The following UBAP2 variants were observed in gnomAD, a reference collection of about 807,000 sequenced individuals.
UBAP2 encodes the protein ubiquitin-associated protein 2.
A neutral mutation model predicts 139.6 loss-of-function variants in UBAP2; 75 were observed. The observed-to-expected ratio is 0.54, with a 90% CI of 0.45 to 0.65. UBAP2 has a LOEUF of 0.65. UBAP2 is among the 30% of genes least tolerant of loss of function. The probability of loss-of-function intolerance (pLI) is 0.00; values close to 1 mark genes in which losing one functional copy is unlikely to be tolerated. For missense variants in UBAP2, 1,368 were observed against 1,369.6 expected (o/e 1.00, Z 0.02); for synonymous variants, 526 against 526.2 (o/e 1.00, Z 0.01).
rs540878937 is a variant in UBAP2 at position 33,941,396 on chromosome 9, G to A, written c.1929+253C>T. On this transcript the variant is annotated intron_variant, in intron 16 of 28. Coordinates refer to ENST00000379238, the MANE Select transcript of UBAP2 (RefSeq NM_001370062.2). ...CAATGTAGAAGTACCCAGTACTACA[G>A]CCAAAGTGCTCATACTACACGCATG... 9.2e-5 allele frequency among the ~76,000 whole-genome samples: 14 copies of A among 152,270 alleles called. 1 individual carries two copies. In the South Asian group the frequency reaches 1.0e-3, roughly 11 times the overall value.
chr9:33,998,743 A>G (rs1475667277), intron 3 of UBAP2, 44 bp downstream of exon 3: 2 of 1,545,174 alleles, frequency 1.3e-6, no homozygotes, highest in African/African-American at 2.7e-5. Flanking sequence ...AAGCACAATC[A>G]AAATAGATTA....
intron 1 of UBAP2, among the ~76,000 whole-genome samples, chr9:34,048,454 A>T (rs891682041): frequency 3.9e-5 from 6 of 152,202 alleles, no homozygotes; most frequent in Non-Finnish European, 8.8e-5. Context: ...TGGGACCGAC[A>T]GCGTGGCGGG....
chr9:33,938,838 T>G, intron 16 of UBAP2: 2 of 425,302 alleles, frequency 4.7e-6, no homozygotes, highest in South Asian at 3.4e-5. Context: ...TTTCCATAGT[T>G]CACATGGTTT....
At position 33,922,555 on chromosome 9, in the gene UBAP2, C is replaced by G. The variant is rs536616785; in HGVS notation, c.3309G>C (p.Lys1103Asn). Residue 1103 changes from lysine to asparagine, a missense_variant, in exon 29 of 29, where the codon AAG becomes AAC. Physicochemically the swap from Lys to Asn is moderately conservative, Grantham distance 94. Transcript: ENST00000379238. ...QRSQPSSLQPKSQASKPAYGN... is the reference protein window; with the variant it reads ...QRSQPSSLQPNSQASKPAYGN... ...CGTAGGCAGGTTTGGAGGCTTGAGACTTGGGCTGCAGGGAGCTGGGCTGGC... is the reference window on the plus strand; with the variant it reads ...CGTAGGCAGGTTTGGAGGCTTGAGAGTTGGGCTGCAGGGAGCTGGGCTGGC... The G allele has an allele frequency of 8.1e-6, 13 of 1,613,894 alleles. No individual in the cohort carries two copies. In the South Asian group the frequency reaches 1.1e-4, roughly 14 times the overall value.
At chr9:33,943,367 T>C (rs1413868841) in intron 15 of UBAP2, 53 bp downstream of exon 15, 16 of 1,557,484 alleles carry the variant, frequency 1.0e-5, no homozygotes, top group Admixed American at 1.8e-5. Flanking sequence ...TTTCCACCAG[T>C]TGATCTCTCT....
intron 2 of UBAP2, among the ~76,000 whole-genome samples, chr9:34,002,404 A>C (rs12353105): frequency 0.016 from 2,175 of 133,838 alleles, 67 homozygotes; most frequent in African/African-American, 0.059. Flanking sequence ...TTTGAGACAG[A>C]GTCTCGCTCT....
At position 33,941,840 on chromosome 9, in the gene UBAP2, A is replaced by T; in HGVS notation, c.1738T>A (p.Ser580Thr). ...GAGTTCTGTACTGCACTGGTCATTG[A>T]TAAAGATGTATTCAAAGGCTCACTG... ...SLSEPLNTSL[S>T]MTSAVQNSTY... The change falls in exon 16 of 29, where the codon TCA (serine) becomes ACA (threonine). Residue 580 changes from serine (S) to threonine (T), a missense_variant. Transcript: ENST00000379238. The T allele has an allele frequency of 6.2e-7, 1 of 1,613,978 alleles. No homozygotes were observed. The highest frequency in any genetic ancestry group is 8.5e-7 in the Non-Finnish European group (1 of 1,179,906).
rs752599980 is a variant in UBAP2, at chr9:33,922,896, C to CA, written c.3073-19dup. On this transcript the variant is annotated intron_variant, in intron 27 of 28. Coordinates refer to ENST00000379238, the MANE Select transcript of UBAP2 (RefSeq NM_001370062.2). ...TCAAAAGTCTACAGGGCAAAGAAGA[C>CA]AATGGTGAAGGTCAGGTTGGGCTGT... The CA allele has an allele frequency of 8.1e-5, 130 of 1,611,100 alleles. No homozygotes were observed. The highest frequency in any genetic ancestry group is 1.5e-4 in the Admixed American group (9 of 59,802).
chr9:33,960,560 G>A (rs1452509319), intron 10 of UBAP2, among the ~76,000 whole-genome samples: 1 of 152,054 alleles, frequency 6.6e-6, no homozygotes, highest in Non-Finnish European at 1.5e-5. Flanking sequence ...TGTATCACCT[G>A]AGGTCAGGAG....
At chr9:33,935,747 A>G (rs771410505) in intron 17 of UBAP2, 92 bp downstream of exon 17, 1 of 1,461,274 alleles carries the variant, frequency 6.8e-7, no homozygotes, top group South Asian at 1.1e-5. Context: ...TAAGCCATTG[A>G]CCAACTGGTG....
At chr9:34,012,176 A>G (rs1408511932) in intron 2 of UBAP2, among the ~76,000 whole-genome samples, 1 of 152,224 alleles carries the variant, frequency 6.6e-6, no homozygotes, top group Non-Finnish European at 1.5e-5. Context: ...GAATTTTCAC[A>G]TAAATTCACA....
At chr9:34,016,320 G>A (rs1824310204) in intron 2 of UBAP2, among the ~76,000 whole-genome samples, 1 of 126,482 alleles carries the variant, frequency 7.9e-6, no homozygotes, top group Non-Finnish European at 1.7e-5. Flanking sequence ...AGGAAGAGAA[G>A]GAGGAAGAGG....
At chr9:34,038,378 CCCTG>C (rs1207401711) in intron 1 of UBAP2, among the ~76,000 whole-genome samples, 1 of 152,220 alleles carries the variant, frequency 6.6e-6, no homozygotes, top group Admixed American at 6.5e-5. Flanking sequence ...ACTGCAACCT[CCCTG>C]CCTGATTCTC....
chr9:33,930,765 A>G (rs1823903349), intron 19 of UBAP2, among the ~76,000 whole-genome samples: 1 of 151,858 alleles, frequency 6.6e-6, no homozygotes, highest in Non-Finnish European at 1.5e-5. Flanking sequence ...GCATGGTGGT[A>G]TGCGCCTGTA....
chr9:34,016,180 GAAGAGGAGGAATAGA>G (rs1171875518), intron 2 of UBAP2, among the ~76,000 whole-genome samples: 689 of 63,134 alleles, frequency 0.011, 5 homozygotes, highest in Non-Finnish European at 0.023. Context: ...GGAGGAGGAG[GAAGAGGAGGAATAGA>G]AGGAAGAGGA....
intron 1 of UBAP2, among the ~76,000 whole-genome samples, chr9:34,026,727 T>C (rs1825429876): frequency 6.6e-6 from 1 of 152,180 alleles, no homozygotes; most frequent in Non-Finnish European, 1.5e-5. Flanking sequence ...AGAGTACACA[T>C]TACTTTACTC....
chr9:33,975,882 C>A (rs1828301589), intron 6 of UBAP2, among the ~76,000 whole-genome samples: 1 of 151,322 alleles, frequency 6.6e-6, no homozygotes, highest in African/African-American at 2.4e-5. Context: ...CAATGATTGA[C>A]CATATGATCA....
chr9:34,038,603 G>A (rs1826689940), intron 1 of UBAP2, among the ~76,000 whole-genome samples: 1 of 152,194 alleles, frequency 6.6e-6, no homozygotes, highest in South Asian at 2.1e-4. Context: ...TGCCCAGGCT[G>A]GAGTGCAGTG....
chr9:33,934,703 G>A (rs985470126), intron 17 of UBAP2, among the ~76,000 whole-genome samples: 1 of 152,174 alleles, frequency 6.6e-6, no homozygotes, highest in Non-Finnish European at 1.5e-5. Flanking sequence ...AGGGGAGGAG[G>A]AAGTGAGGGA....
Sources: gnomAD v4.1 joint callset for allele counts (sites outside exome capture counted in the v4.1 genomes callset) on GRCh38, gnomAD v4.1.1 for gene constraint, MANE v1.5 for transcripts, NCBI Gene and HGNC (gene_info 2026-07-23, HGNC 2026-07-21) for gene names.